Variants in PLAAT1 observed in about 807,000 individuals in gnomAD.
PLAAT1 encodes H-REV107 protein-related protein.
PLAAT1 carries 13 observed loss-of-function variants against 16.4 expected under a neutral mutation model. The ratio of observed to expected loss-of-function variants is 0.79; its 90% CI spans 0.52 to 1.26. PLAAT1 has a LOEUF of 1.26. PLAAT1 is among the 50% of genes most tolerant of loss of function. PLAAT1 has a pLI of 0.00. For missense variants in PLAAT1, 218 were observed against 207.8 expected (o/e 1.05, Z -0.30); for synonymous variants, 73 against 78.4 (o/e 0.93, Z 0.36).
At chr3:193,264,267 T>C (rs1440710294) in intron 3 of PLAAT1, among the ~76,000 whole-genome samples, 1 of 152,204 alleles carries the variant, frequency 6.6e-6, no homozygotes, top group Non-Finnish European at 1.5e-5. Context: ...ATAAGAAGGC[T>C]AGCAAAGCCT....
intron 1 of PLAAT1, among the ~76,000 whole-genome samples, chr3:193,246,041 C>T (rs1715970580): frequency 6.6e-6 from 1 of 152,154 alleles, no homozygotes; most frequent in African/African-American, 2.4e-5. Flanking sequence ...TATATGAATG[C>T]CTTTTATTTC....
At chr3:193,263,287 C>T in intron 3 of PLAAT1, 52 bp downstream of exon 3, 1 of 1,548,412 alleles carries the variant, frequency 6.5e-7, no homozygotes, top group South Asian at 1.2e-5. Context: ...TAACTATTGG[C>T]TATGATAAGG....
intron 1 of PLAAT1, among the ~76,000 whole-genome samples, chr3:193,246,639 A>C (rs956354517): frequency 6.6e-6 from 1 of 152,144 alleles, no homozygotes; most frequent in Non-Finnish European, 1.5e-5. Context: ...TGGGATTACA[A>C]GCATGAGCCA....
At chr3:193,257,891 G>A (rs1716437366) in intron 2 of PLAAT1, among the ~76,000 whole-genome samples, 4 of 152,116 alleles carry the variant, frequency 2.6e-5, no homozygotes, top group African/African-American at 7.2e-5. Context: ...TTGAACATCC[G>A]ACTCCAAGTT....
chr3:193,249,007 T>C (rs1716090375), intron 1 of PLAAT1, among the ~76,000 whole-genome samples: 1 of 152,148 alleles, frequency 6.6e-6, no homozygotes, highest in African/African-American at 2.4e-5. Context: ...ATAAATTCCC[T>C]CAGCTTTTGT....
downstream of PLAAT1, among the ~76,000 whole-genome samples, chr3:193,274,397 G>A (rs1717090556): frequency 6.6e-6 from 1 of 152,214 alleles, no homozygotes; most frequent in South Asian, 2.1e-4. Context: ...TACACTGAGT[G>A]ATGCCAAACT....
rs778719677 is a variant in PLAAT1, at chr3:193,255,700, C to A, written c.50C>A (p.Pro17Gln). The stretch of plus-strand genomic sequence containing the variant: ...TTGAACTACCCTGGCAACCCCTGCC[C>A]AGGGGACTTGATCGAAGTGTTCCGT... ...FSLNYPGNPC[P>Q]GDLIEVFRPG... Residue 17 changes from proline to glutamine, a missense_variant, in exon 2 of 4, where the codon CCA becomes CAA. Physicochemically the swap from Pro to Gln is moderately conservative, Grantham distance 76 (BLOSUM62 -1). Transcript: ENST00000264735. 1.2e-6 allele frequency: 2 copies of A among 1,613,076 alleles called. No individual in the cohort carries two copies. The highest frequency in any genetic ancestry group is 8.5e-7 in the Non-Finnish European group (1 of 1,179,368).
chr3:193,270,240 A>T (rs1475256174), intron 3 of PLAAT1, among the ~76,000 whole-genome samples: 1 of 152,176 alleles, frequency 6.6e-6, no homozygotes, highest in African/African-American at 2.4e-5. Flanking sequence ...GAATGATCTC[A>T]GGCAAACTAC....
chr3:193,279,793 C>T (rs115689813), downstream of PLAAT1, among the ~76,000 whole-genome samples: 1,793 of 151,930 alleles, frequency 0.012, 38 homozygotes, highest in African/African-American at 0.041. Flanking sequence ...CATTCTTCCC[C>T]GTTGCCTGGA....
At chr3:193,262,914 G>A in intron 2 of PLAAT1, 56 bp from the exon 3 acceptor site, 1 of 1,563,866 alleles carries the variant, frequency 6.4e-7, no homozygotes, top group Non-Finnish European at 8.8e-7. Flanking sequence ...TTAGATGGCA[G>A]TAGAGTTCAT....
Position 193,250,269 on chromosome 3 carries a change from G to A in PLAAT1, c.1-5382G>A, listed in dbSNP as rs115422751. Among the ~76,000 whole-genome samples, 1,035 of 152,198 alleles carry A rather than the reference G, an allele frequency of 6.8e-3. 14 individuals are homozygous for A. Among genetic ancestry groups the A allele is most frequent in the African/African-American group, 0.024 (991 of 41,528 alleles). Reference sequence around the variant, plus strand: ...AGTTTCAAGTCATTGCCTATGAGAGGTGGGATAGAAGCCAGTCCCTTGAAA... The same window carrying A: ...AGTTTCAAGTCATTGCCTATGAGAGATGGGATAGAAGCCAGTCCCTTGAAA... On this transcript the variant is annotated intron_variant, in intron 1 of 3. Coordinates refer to ENST00000264735, the MANE Select transcript of PLAAT1 (RefSeq NM_020386.5).
At chr3:193,277,378 A>G (rs150428092) in intron 2 of PLAAT1, among the ~76,000 whole-genome samples, 2 of 152,306 alleles carry the variant, frequency 1.3e-5, no homozygotes, top group African/African-American at 4.8e-5. Context: ...GTACACATTA[A>G]TCATTAAATA....
intron 3 of PLAAT1, among the ~76,000 whole-genome samples, chr3:193,270,079 C>T (rs561283064): frequency 3.3e-5 from 5 of 151,650 alleles, no homozygotes; most frequent in South Asian, 4.2e-4. Flanking sequence ...AACACACACA[C>T]ACACACACAC....
intron 2 of PLAAT1, among the ~76,000 whole-genome samples, chr3:193,259,399 A>C (rs1179431749): frequency 6.6e-6 from 1 of 150,640 alleles, no homozygotes; most frequent in South Asian, 2.1e-4. Flanking sequence ...AGAGAAAGAA[A>C]TAAAAGGCAT....
chr3:193,273,828 A>G (rs1393474097), downstream of PLAAT1, among the ~76,000 whole-genome samples: 1 of 152,240 alleles, frequency 6.6e-6, no homozygotes, highest in Admixed American at 6.5e-5. Context: ...TAATTAAAAG[A>G]TGAAATAGAA....
chr3:193,248,577 C>T (rs1386257278), intron 1 of PLAAT1, among the ~76,000 whole-genome samples: 3 of 151,902 alleles, frequency 2.0e-5, no homozygotes, highest in Non-Finnish European at 4.4e-5. Context: ...TTTTGTGTAT[C>T]TACTAAGAAT....
intron 1 of PLAAT1, among the ~76,000 whole-genome samples, chr3:193,244,859 A>G (rs1172469031): frequency 2.6e-5 from 4 of 152,132 alleles, no homozygotes; most frequent in Non-Finnish European, 1.5e-5. Flanking sequence ...TCCTTAATCC[A>G]GTAATCCATG....
downstream of PLAAT1, chr3:193,279,581 C>A: frequency 1.5e-6 from 1 of 679,250 alleles, no homozygotes; most frequent in South Asian, 1.8e-5. Context: ...TTGATATATC[C>A]TCATATGTTT....
chr3:193,258,926 A>G (rs1716483928), intron 2 of PLAAT1, among the ~76,000 whole-genome samples: 1 of 152,146 alleles, frequency 6.6e-6, no homozygotes, highest in Non-Finnish European at 1.5e-5. Flanking sequence ...TCATCCTGAT[A>G]CCAAAATCGG....
Sources: allele counts gnomAD v4.1 joint callset (sites outside exome capture counted in the v4.1 genomes callset), GRCh38; gene constraint gnomAD v4.1.1; transcripts MANE v1.5; gene names NCBI Gene and HGNC (gene_info 2026-07-23, HGNC 2026-07-21).